The following SNX30 variants were observed in gnomAD, a reference collection of about 807,000 sequenced individuals.
SNX30 encodes sorting nexin family member 30.
A neutral mutation model predicts 46.4 loss-of-function variants in SNX30; 24 were observed. The observed-to-expected ratio is 0.52, with a 90% CI of 0.37 to 0.73. The LOEUF (loss-of-function observed/expected upper bound fraction) is 0.73, where lower values mean the gene tolerates loss of function less well. Among genes scored for constraint, SNX30 ranks in the 30% least tolerant of loss-of-function variants. The pLI, the probability that SNX30 is intolerant of heterozygous loss-of-function variation, is 0.00. For synonymous variants in SNX30, 189 were observed against 211.5 expected, an observed-to-expected ratio of 0.89 and a Z score of 0.92; for missense variants, 533 against 555.7, an observed-to-expected ratio of 0.96 and a Z score of 0.41.
chr9:112,865,657 A>ATG (rs1399648106), intron 8 of SNX30, among the ~76,000 whole-genome samples: 5 of 81,432 alleles, frequency 6.1e-5, no homozygotes, highest in African/African-American at 3.1e-4. Context: ...ATATATATAT[A>ATG]TATATGTATG....
At chr9:112,834,837 CACACAA>C (rs1361219163) in intron 4 of SNX30, among the ~76,000 whole-genome samples, 149 of 99,970 alleles carry the variant, frequency 1.5e-3, no homozygotes, top group African/African-American at 4.9e-3. Context: ...AACACACACA[CACACAA>C]ACACACACAC....
intron 6 of SNX30, among the ~76,000 whole-genome samples, chr9:112,847,326 GTTCTGT>G (rs2131474270): frequency 1.3e-5 from 2 of 152,228 alleles, no homozygotes; most frequent in South Asian, 4.1e-4. Flanking sequence ...GACTCATCTG[GTTCTGT>G]CTCTCTGTCA....
rs1840399141 is a variant in SNX30 at position 112,816,594 on chromosome 9, T to C, written c.349-1111T>C. Reference sequence around the variant, plus strand: ...GAGTCCTTGAACTTCACCATTTTGCTAAGACAGTGAACACAGGTTTTGGGG... The same window carrying C: ...GAGTCCTTGAACTTCACCATTTTGCCAAGACAGTGAACACAGGTTTTGGGG... On this transcript the variant is annotated intron_variant, in intron 2 of 8. Transcript: ENST00000374232. Among the ~76,000 whole-genome samples the C allele has an allele frequency of 2.6e-5, 4 of 152,364 alleles. No individual in the cohort carries two copies. The East Asian group carries it at 5.8e-4, about 22-fold the overall frequency.
chr9:112,768,288 G>A (rs576417912), intron 1 of SNX30, among the ~76,000 whole-genome samples: 1 of 152,288 alleles, frequency 6.6e-6, no homozygotes, highest in African/African-American at 2.4e-5. Context: ...TCCTCTCGAT[G>A]TTTCCAGCCG....
intron 6 of SNX30, among the ~76,000 whole-genome samples, chr9:112,849,874 T>C (rs531402258): frequency 8.4e-4 from 128 of 152,302 alleles, no homozygotes; most frequent in African/African-American, 2.9e-3. Flanking sequence ...TTTGAGTTAG[T>C]GGAAAAGAAA....
intron 1 of SNX30, among the ~76,000 whole-genome samples, chr9:112,793,383 G>A (rs77183631): frequency 3.3e-5 from 5 of 152,062 alleles, no homozygotes; most frequent in African/African-American, 9.7e-5. Flanking sequence ...CCCATCATGC[G>A]GGGGGAGAAG....
intron 4 of SNX30, among the ~76,000 whole-genome samples, chr9:112,832,495 T>TGTGTGTGA (rs1554754469): frequency 1.5e-5 from 2 of 135,408 alleles, no homozygotes; most frequent in African/African-American, 5.7e-5. Context: ...TGTGTGTGTG[T>TGTGTGTGA]GAGAGAGAGA....
At chr9:112,853,405 T>C (rs538230685) in intron 7 of SNX30, among the ~76,000 whole-genome samples, 18 of 152,330 alleles carry the variant, frequency 1.2e-4, no homozygotes, top group African/African-American at 4.3e-4. Context: ...TGACGAGTTC[T>C]GAGCTGGCCT....
At chr9:112,759,796 T>TA (rs1839409065) in intron 1 of SNX30, among the ~76,000 whole-genome samples, 1 of 152,022 alleles carries the variant, frequency 6.6e-6, no homozygotes, top group South Asian at 2.1e-4. Context: ...CCCCACCACT[T>TA]AGAGTCTTGG....
Position 112,868,963 on chromosome 9 carries a change from T to G in SNX30, c.*120T>G. 2.0e-6 allele frequency: 2 copies of G among 993,550 alleles called. No individual in the cohort carries two copies. Among genetic ancestry groups the G allele is most frequent in the South Asian group, 2.6e-5 (2 of 75,812 alleles). The allele number at this position is 993,550 out of a possible 1,614,324, so 61.5% of individuals were successfully genotyped here. On this transcript the variant is annotated 3_prime_UTR_variant, in exon 9 of 9. Coordinates refer to ENST00000374232, the MANE Select transcript of SNX30 (RefSeq NM_001012994.2). The stretch of plus-strand genomic sequence containing the variant: ...AACAACCACAGAAACATCTCTCCTT[T>G]GTGTATTTTTCCCTCCCCCACCTTT...
intron 3 of SNX30, among the ~76,000 whole-genome samples, chr9:112,830,374 C>CT (rs1193083103): frequency 6.6e-6 from 1 of 151,838 alleles, no homozygotes; most frequent in Non-Finnish European, 1.5e-5. Context: ...TGCCTTCTTT[C>CT]TTTTCTTTTT....
At chr9:112,832,459 A>AGTGT (rs34515014) in intron 4 of SNX30, among the ~76,000 whole-genome samples, 21 of 111,294 alleles carry the variant, frequency 1.9e-4, no homozygotes, top group African/African-American at 4.4e-4. Context: ...AGAGAGAGAG[A>AGTGT]GTGTGTGTGT....
chr9:112,808,669 C>T (rs190456004), intron 2 of SNX30, among the ~76,000 whole-genome samples: 4 of 152,082 alleles, frequency 2.6e-5, no homozygotes, highest in Non-Finnish European at 5.9e-5. Context: ...TATACGCTCA[C>T]CAGCCAGAAA....
At position 112,804,255 on chromosome 9, in the gene SNX30, C is replaced by A. The variant is rs567925650; in HGVS notation, c.157-521C>A. 3.9e-5 allele frequency among the ~76,000 whole-genome samples: 6 copies of A among 152,276 alleles called. No individual in the cohort carries two copies. In the South Asian group the frequency reaches 1.0e-3, roughly 26 times the overall value. Reference sequence around the variant, plus strand: ...TCTCGGCTCACTGCAACCTCCGCCTCCCAGGTTCAAGCAATTCTCCTGCCT... The same window carrying A: ...TCTCGGCTCACTGCAACCTCCGCCTACCAGGTTCAAGCAATTCTCCTGCCT... On this transcript the variant is annotated intron_variant, in intron 1 of 8. Transcript: ENST00000374232.
At chr9:112,796,678 C>A (rs1009181869) in intron 1 of SNX30, among the ~76,000 whole-genome samples, 2 of 152,002 alleles carry the variant, frequency 1.3e-5, no homozygotes, top group Admixed American at 6.5e-5. Context: ...TTTGATATTG[C>A]GTAGGTATGT....
chr9:112,869,136 A>G lies in SNX30; in HGVS notation c.*293A>G, dbSNP rs866335905. 5.1e-6 allele frequency: 2 copies of G among 391,904 alleles called. No individual in the cohort carries two copies. The highest frequency in any genetic ancestry group is 7.3e-4 in the Middle Eastern group (1 of 1,378). The allele number at this position is 391,904 out of a possible 1,614,324, so 24.3% of individuals were successfully genotyped here. On this transcript the variant is annotated 3_prime_UTR_variant, in exon 9 of 9. Coordinates refer to ENST00000374232, the MANE Select transcript of SNX30 (RefSeq NM_001012994.2). Reference sequence around the variant, plus strand: ...AAATTTGAAACCAAGGGACAAGACAACCTGCAGCTGACGCTCTGACATTTC... The same window carrying G: ...AAATTTGAAACCAAGGGACAAGACAGCCTGCAGCTGACGCTCTGACATTTC...
intron 7 of SNX30, among the ~76,000 whole-genome samples, chr9:112,854,075 C>G (rs1413010027): frequency 1.3e-5 from 2 of 152,230 alleles, no homozygotes; most frequent in Non-Finnish European, 2.9e-5. Context: ...TACGAGCTTT[C>G]TCAGAGGCTG....
intron 1 of SNX30, among the ~76,000 whole-genome samples, chr9:112,761,295 T>C (rs1051633370): frequency 4.6e-5 from 7 of 152,158 alleles, no homozygotes; most frequent in African/African-American, 1.7e-4. Context: ...CCCGAGTAGC[T>C]GGGATTACAG....
At chr9:112,780,688 A>G (rs919306747) in intron 1 of SNX30, among the ~76,000 whole-genome samples, 2 of 152,212 alleles carry the variant, frequency 1.3e-5, no homozygotes, top group Non-Finnish European at 2.9e-5. Flanking sequence ...TCTGACTGCC[A>G]CTTGTGTCTT....
Sources: allele counts gnomAD v4.1 joint callset (sites outside exome capture counted in the v4.1 genomes callset), GRCh38; gene constraint gnomAD v4.1.1; transcripts MANE v1.5; gene names NCBI Gene and HGNC (gene_info 2026-07-23, HGNC 2026-07-21).